The following SRBD1 variants were observed in gnomAD, a reference collection of about 807,000 sequenced individuals.
The protein encoded by SRBD1 is S1 RNA-binding domain-containing protein 1.
Under a neutral mutation model 115.3 loss-of-function variants are expected in SRBD1, and 88 were observed. That is an observed-to-expected ratio of 0.76 (90% CI 0.64 to 0.91). SRBD1 has a LOEUF of 0.91. Among genes scored for constraint, SRBD1 ranks in the 40% least tolerant of loss-of-function variants. The pLI, the probability that SRBD1 is intolerant of heterozygous loss-of-function variation, is 0.00. For synonymous variants in SRBD1, 509 were observed against 407.7 expected, an observed-to-expected ratio of 1.25 and a Z score of -2.99; for missense variants, 1,385 against 1,177.4, an observed-to-expected ratio of 1.18 and a Z score of -2.58.
intron 11 of SRBD1, 21 bp from the exon 12 acceptor site, chr2:45,551,303 A>C: frequency 6.4e-7 from 1 of 1,571,180 alleles, no homozygotes. Flanking sequence ...AGAAGAAAAG[A>C]AAAAGTTTTT....
chr2:45,509,665 G>A (rs1670908274), intron 14 of SRBD1, among the ~76,000 whole-genome samples: 1 of 143,974 alleles, frequency 6.9e-6, no homozygotes, highest in African/African-American at 2.6e-5. Context: ...GAAACTAAAG[G>A]TCATATTTTC....
At chr2:45,412,263 G>C (rs1305538628) in intron 19 of SRBD1, among the ~76,000 whole-genome samples, 1 of 152,046 alleles carries the variant, frequency 6.6e-6, no homozygotes, top group Non-Finnish European at 1.5e-5. Context: ...TTTCTGTATG[G>C]CTAAATTTTT....
At chr2:45,526,655 C>G (rs1475539028) in intron 14 of SRBD1, among the ~76,000 whole-genome samples, 7 of 151,704 alleles carry the variant, frequency 4.6e-5, no homozygotes, top group Non-Finnish European at 8.8e-5. Context: ...TGAATAAAGA[C>G]TTCCAAAAAC....
intron 14 of SRBD1, among the ~76,000 whole-genome samples, chr2:45,521,423 T>C (rs1671280433): frequency 6.6e-6 from 1 of 151,650 alleles, no homozygotes; most frequent in African/African-American, 2.4e-5. Flanking sequence ...TCTTAGTCAC[T>C]AGGGAAATGT....
At chr2:45,453,268 G>GAAAA (rs534496837) in intron 16 of SRBD1, among the ~76,000 whole-genome samples, 2 of 127,428 alleles carry the variant, frequency 1.6e-5, no homozygotes, top group Non-Finnish European at 3.3e-5. Flanking sequence ...CTGCTATAAG[G>GAAAA]AAAAAAAAAA....
At position 45,412,362 on chromosome 2, in the gene SRBD1, T is replaced by C. The variant is rs1269555470; in HGVS notation, c.2513+752A>G. ...CTTCTTTTTTCTAAGTTTTCTATAA[T>C]ATACTATAGTCTTTTTAAATATTTT... On this transcript the variant is annotated intron_variant, in intron 19 of 20. Transcript: ENST00000263736. 2.6e-5 allele frequency among the ~76,000 whole-genome samples: 4 copies of C among 152,096 alleles called. No individual in the cohort carries two copies. In the East Asian group the frequency reaches 5.8e-4, roughly 22 times the overall value.
chr2:45,518,869 G>A (rs1355153138), intron 14 of SRBD1, among the ~76,000 whole-genome samples: 2 of 150,604 alleles, frequency 1.3e-5, no homozygotes, highest in African/African-American at 4.9e-5. Flanking sequence ...GTTTTGGTTT[G>A]TACAAGTAAA....
chr2:45,464,818 A>C (rs1669430705), intron 16 of SRBD1, among the ~76,000 whole-genome samples: 1 of 152,180 alleles, frequency 6.6e-6, no homozygotes, highest in South Asian at 2.1e-4. Flanking sequence ...AAGCTCTAAA[A>C]ATGTATACAA....
At chr2:45,474,182 T>C (rs1237641983) in intron 16 of SRBD1, among the ~76,000 whole-genome samples, 2 of 152,252 alleles carry the variant, frequency 1.3e-5, no homozygotes. Flanking sequence ...AATCTTACTT[T>C]TACTTATTTC....
At chr2:45,555,129 G>A (rs377010660) in intron 10 of SRBD1, among the ~76,000 whole-genome samples, 2 of 152,164 alleles carry the variant, frequency 1.3e-5, no homozygotes, top group East Asian at 1.9e-4. Flanking sequence ...ACTCACATCT[G>A]TAATCCCAGA....
chr2:45,455,519 G>A (rs371211197), intron 16 of SRBD1, among the ~76,000 whole-genome samples: 7 of 151,860 alleles, frequency 4.6e-5, no homozygotes, highest in Admixed American at 2.0e-4. Context: ...CTTGACATGT[G>A]TAATCTTTTC....
intron 20 of SRBD1, among the ~76,000 whole-genome samples, chr2:45,389,992 T>C (rs572661384): frequency 1.3e-5 from 2 of 152,186 alleles, no homozygotes; most frequent in African/African-American, 4.8e-5. Flanking sequence ...AGCTTTTTTT[T>C]TGGTTTTTCC....
At chr2:45,602,387 G>C (rs933661374) in intron 2 of SRBD1, among the ~76,000 whole-genome samples, 2 of 152,122 alleles carry the variant, frequency 1.3e-5, no homozygotes, top group Non-Finnish European at 1.5e-5. Flanking sequence ...ATTACCTTAA[G>C]TAATTTACTG....
At chr2:45,524,387 T>A (rs980739886) in intron 14 of SRBD1, among the ~76,000 whole-genome samples, 2 of 152,060 alleles carry the variant, frequency 1.3e-5, no homozygotes, top group Admixed American at 6.6e-5. Context: ...AACATTATTT[T>A]GCATATAGAA....
At chr2:45,471,210 C>G (rs997821565) in intron 16 of SRBD1, among the ~76,000 whole-genome samples, 1 of 151,820 alleles carries the variant, frequency 6.6e-6, no homozygotes, top group Non-Finnish European at 1.5e-5. Flanking sequence ...GTTTGAAAAT[C>G]AAAAAGTGAA....
chr2:45,600,585 G>C (rs1157101611), intron 3 of SRBD1, among the ~76,000 whole-genome samples: 1 of 152,156 alleles, frequency 6.6e-6, no homozygotes, highest in Non-Finnish European at 1.5e-5. Flanking sequence ...GCTAATGTCA[G>C]GCATTTTTCT....
rs1252566542 is a variant in SRBD1 at position 45,598,545 on chromosome 2, T to C, written c.648+904A>G. Among the ~76,000 whole-genome samples, 4 of 148,038 alleles carry C rather than the reference T, an allele frequency of 2.7e-5. No individual in the cohort carries two copies. The East Asian group carries it at 5.9e-4, about 22-fold the overall frequency. ...AGGAGAATGGCATGAACCCGGGAGGTGGAGCTGACAGTGAGCACCACTGCA... is the reference window on the plus strand; with the variant it reads ...AGGAGAATGGCATGAACCCGGGAGGCGGAGCTGACAGTGAGCACCACTGCA... On this transcript the variant is annotated intron_variant, in intron 4 of 20. Coordinates refer to ENST00000263736, the MANE Select transcript of SRBD1 (RefSeq NM_018079.5).
Position 45,553,649 on chromosome 2 carries a change from A to G in SRBD1, c.1491T>C (p.Ile497=), listed in dbSNP as rs768325407. ...TGAATTCTCTACAGAGAAGAGGATA[A>G]ATAAGGCGTTTAAAGGAATCATTCA... ...NSLNDSFKRL[I]YPLLCREFRA... The change falls in exon 11 of 21, where the codon ATT becomes ATC. Residue 497 remains isoleucine, a synonymous_variant. Transcript: ENST00000263736. The G allele has an allele frequency of 1.2e-6, 2 of 1,604,268 alleles. No homozygotes were observed. Among genetic ancestry groups the G allele is most frequent in the South Asian group, 2.2e-5 (2 of 88,946 alleles).
intron 2 of SRBD1, 69 bp from the exon 3 acceptor site, chr2:45,602,152 C>A: frequency 2.0e-6 from 3 of 1,510,318 alleles, no homozygotes; most frequent in Non-Finnish European, 1.8e-6. Flanking sequence ...AAAAGAGATG[C>A]AAGATTCTTG....
Sources: allele counts gnomAD v4.1 joint callset (sites outside exome capture counted in the v4.1 genomes callset), GRCh38; gene constraint gnomAD v4.1.1; transcripts MANE v1.5; gene names NCBI Gene and HGNC (gene_info 2026-07-23, HGNC 2026-07-21).